Variants in DNM3 observed in about 807,000 individuals in gnomAD.
DNM3 encodes the protein dynamin 3, also known as dynamin-3.
Under a neutral mutation model 101.6 loss-of-function variants are expected in DNM3, and 47 were observed. The observed-to-expected ratio is 0.46, with a 90% CI of 0.37 to 0.59. The LOEUF (loss-of-function observed/expected upper bound fraction) is 0.59, where lower values mean the gene tolerates loss of function less well. Ranked by LOEUF, DNM3 falls within the 20% of genes least tolerant of loss-of-function variation. DNM3 has a pLI of 0.00. For synonymous variants in DNM3, 385 were observed against 387.9 expected, an observed-to-expected ratio of 0.99 and a Z score of 0.09; for missense variants, 849 against 1,085.7, an observed-to-expected ratio of 0.78 and a Z score of 3.06.
intron 14 of DNM3, among the ~76,000 whole-genome samples, chr1:172,132,269 T>C (rs2056979927): frequency 6.6e-6 from 1 of 152,204 alleles, no homozygotes; most frequent in Non-Finnish European, 1.5e-5. Flanking sequence ...ATGTCTTATA[T>C]AGCACTTTTC....
At chr1:172,389,022 G>A in intron 20 of DNM3, 2 of 594,434 alleles carry the variant, frequency 3.4e-6, no homozygotes, top group Non-Finnish European at 6.0e-6. Context: ...TTATCAATTG[G>A]CACAGACTAA....
intron 2 of DNM3, among the ~76,000 whole-genome samples, chr1:171,974,545 A>G (rs999075348): frequency 6.6e-6 from 1 of 152,190 alleles, no homozygotes; most frequent in East Asian, 1.9e-4. Flanking sequence ...TTACATACAA[A>G]TTGAGTTAAA....
chr1:172,318,306 A>G lies in DNM3; in HGVS notation c.1882-5023A>G, dbSNP rs368123314. The stretch of plus-strand genomic sequence containing the variant: ...TACTGAATGGGCAAAAACTGGAAGC[A>G]TTCCCTTTGAAAACTGGCACAAGAC... On this transcript the variant is annotated intron_variant, in intron 16 of 20. Coordinates refer to ENST00000627582, the MANE Select transcript of DNM3 (RefSeq NM_015569.5). Among the ~76,000 whole-genome samples, 100 of 151,958 alleles carry G rather than the reference A, an allele frequency of 6.6e-4. 1 individual carries two copies. The East Asian group carries it at 0.011, about 16-fold the overall frequency.
chr1:172,043,937 G>T (rs531896671), intron 8 of DNM3, among the ~76,000 whole-genome samples: 1 of 152,188 alleles, frequency 6.6e-6, no homozygotes, highest in South Asian at 2.1e-4. Flanking sequence ...TTTACAAAGA[G>T]GCCTTTAACT....
At chr1:171,849,652 A>G (rs1184942012) in intron 1 of DNM3, among the ~76,000 whole-genome samples, 3 of 152,122 alleles carry the variant, frequency 2.0e-5, no homozygotes, top group African/African-American at 7.2e-5. Context: ...CATTATCACA[A>G]TGTGTTCTTT....
At chr1:172,006,458 G>C (rs753895967) in intron 4 of DNM3, among the ~76,000 whole-genome samples, 9 of 152,138 alleles carry the variant, frequency 5.9e-5, no homozygotes, top group Non-Finnish European at 1.2e-4. Context: ...TTCAGGCCAG[G>C]CCTTTTGTTT....
At position 171,989,028 on chromosome 1, in the gene DNM3, A is replaced by G. The variant is rs776469120; in HGVS notation, c.469A>G (p.Arg157Gly). The G allele has an allele frequency of 5.0e-6, 8 of 1,611,204 alleles. 1 individual carries two copies. In the African/African-American group the frequency reaches 8.0e-5, roughly 16 times the overall value. ...GCCACCAGATATCGAGTATCAGATC[A>G]GAGAAATGATTATGCAGTTCATCAC... ...DQPPDIEYQI[R>G]EMIMQFITRE... The change falls in exon 4 of 21, where the codon AGA (arginine) becomes GGA (glycine). Residue 157 changes from arginine (R) to glycine (G), a missense_variant. Physicochemically the swap from Arg to Gly is moderately radical, Grantham distance 125. Coordinates refer to ENST00000627582, the MANE Select transcript of DNM3 (RefSeq NM_015569.5).
At chr1:172,364,314 T>C (rs552110530) in intron 17 of DNM3, among the ~76,000 whole-genome samples, 37 of 152,014 alleles carry the variant, frequency 2.4e-4, no homozygotes, top group African/African-American at 8.7e-4. Flanking sequence ...GGTCATTTTC[T>C]GCTGTACAAC....
At chr1:172,060,065 G>A (rs1372318262) in intron 10 of DNM3, among the ~76,000 whole-genome samples, 1 of 152,010 alleles carries the variant, frequency 6.6e-6, no homozygotes, top group African/African-American at 2.4e-5. Context: ...GACAAACAGA[G>A]AGCTAAATCA....
chr1:172,098,426 G>GCTGTTATC, intron 13 of DNM3, among the ~76,000 whole-genome samples: 1 of 152,188 alleles, frequency 6.6e-6, no homozygotes, highest in South Asian at 2.1e-4. Flanking sequence ...CCTGAACATT[G>GCTGTTATC]CTGTTATCCT....
At chr1:172,284,414 G>A (rs915176589) in intron 15 of DNM3, among the ~76,000 whole-genome samples, 1 of 152,070 alleles carries the variant, frequency 6.6e-6, no homozygotes, top group Non-Finnish European at 1.5e-5. Flanking sequence ...TGAATAAATG[G>A]TTGTTAGTGT....
intron 14 of DNM3, among the ~76,000 whole-genome samples, chr1:172,186,095 G>T (rs988740113): frequency 6.6e-6 from 1 of 152,114 alleles, no homozygotes. Context: ...AAGGAGAAAT[G>T]TGATTTTAAC....
At chr1:171,866,540 A>C (rs2034765042) in intron 1 of DNM3, among the ~76,000 whole-genome samples, 1 of 152,090 alleles carries the variant, frequency 6.6e-6, no homozygotes, top group Non-Finnish European at 1.5e-5. Context: ...TTTGGTTCCA[A>C]AGATGAGGAT....
At chr1:171,864,022 C>A (rs1351976318) in intron 1 of DNM3, among the ~76,000 whole-genome samples, 1 of 152,192 alleles carries the variant, frequency 6.6e-6, no homozygotes, top group Non-Finnish European at 1.5e-5. Flanking sequence ...GGTTTATTTA[C>A]TCATCTGCAG....
intron 17 of DNM3, among the ~76,000 whole-genome samples, chr1:172,366,299 C>G (rs2068016773): frequency 6.6e-6 from 1 of 151,788 alleles, no homozygotes; most frequent in South Asian, 2.1e-4. Context: ...CAAAACCAAC[C>G]AAATACAAAG....
rs115033317 is a variant in DNM3 at position 172,356,178 on chromosome 1, G to A, written c.1894-22840G>A. Among the ~76,000 whole-genome samples the A allele has an allele frequency of 2.2e-3, 340 of 152,020 alleles. 1 individual carries two copies. The highest frequency in any genetic ancestry group is 3.7e-3 in the Non-Finnish European group (250 of 67,940). ...GTTTGCCATCAAAGATAAAAGGAAC[G>A]AAACGAAAAAATGTACTTTAGGAAG... On this transcript the variant is annotated intron_variant, in intron 17 of 20. Transcript: ENST00000627582.
chr1:172,417,641 T>G (rs1304152389), downstream of DNM3, among the ~76,000 whole-genome samples: 1 of 152,180 alleles, frequency 6.6e-6, no homozygotes, highest in African/African-American at 2.4e-5. Context: ...GCCTCCTAGT[T>G]TCCCTAGGCC....
At chr1:172,149,633 A>G (rs1232803958) in intron 14 of DNM3, among the ~76,000 whole-genome samples, 1 of 152,078 alleles carries the variant, frequency 6.6e-6, no homozygotes, top group East Asian at 1.9e-4. Flanking sequence ...CAGACTTTAA[A>G]ATGAGGGCTG....
chr1:171,845,978 G>T (rs551677414), intron 1 of DNM3, among the ~76,000 whole-genome samples: 1 of 152,068 alleles, frequency 6.6e-6, no homozygotes, highest in African/African-American at 2.4e-5. Flanking sequence ...TAATGGGGAC[G>T]AAATAAAATA....
Sources: allele counts gnomAD v4.1 joint callset (sites outside exome capture counted in the v4.1 genomes callset), GRCh38; gene constraint gnomAD v4.1.1; transcripts MANE v1.5; gene names NCBI Gene and HGNC (gene_info 2026-07-23, HGNC 2026-07-21).